SHISA9: variants seen among roughly 807,000 people sequenced by gnomAD.
The protein encoded by SHISA9 is protein shisa-9.
A neutral mutation model predicts 38.0 loss-of-function variants in SHISA9; 13 were observed. That is an observed-to-expected ratio of 0.34 (90% confidence interval 0.22 to 0.54). The LOEUF (loss-of-function observed/expected upper bound fraction) is 0.54. SHISA9 is among the 20% of genes least tolerant of loss of function. The probability of loss-of-function intolerance (pLI) is 0.91; values close to 1 mark genes in which losing one functional copy is unlikely to be tolerated. For missense variants in SHISA9, 538 were observed against 575.8 expected (o/e 0.93, Z 0.67); for synonymous variants, 275 against 242.0 (o/e 1.14, Z -1.27).
the SHISA9 span, among the ~76,000 whole-genome samples, chr16:13,261,494 G>T: frequency 1.3e-5 from 2 of 152,060 alleles, no homozygotes; most frequent in East Asian, 1.9e-4. Context: ...GCAAACTGAG[G>T]TTCTTCCTAA....
At chr16:12,958,568 C>G (rs1478596192) in intron 2 of SHISA9, among the ~76,000 whole-genome samples, 1 of 152,230 alleles carries the variant, frequency 6.6e-6, no homozygotes, top group East Asian at 1.9e-4. Flanking sequence ...GAGTCATGCT[C>G]TGTTGTCAGG....
chr16:13,069,131 A>C (rs1174679733), intron 2 of SHISA9, among the ~76,000 whole-genome samples: 1 of 151,178 alleles, frequency 6.6e-6, no homozygotes, highest in African/African-American at 2.4e-5. Context: ...GTGTATATGC[A>C]CATATGTGTA....
intron 2 of SHISA9, among the ~76,000 whole-genome samples, chr16:13,083,767 C>G (rs2073680315): frequency 6.6e-6 from 1 of 152,126 alleles, no homozygotes; most frequent in African/African-American, 2.4e-5. Flanking sequence ...AAGGTAGCTC[C>G]CATTCAGCTA....
At chr16:13,344,820 C>G in the SHISA9 span, among the ~76,000 whole-genome samples, 1 of 152,284 alleles carries the variant, frequency 6.6e-6, no homozygotes, top group Admixed American at 6.5e-5. Context: ...AGAAGCATGC[C>G]TCCAAATCCT....
chr16:13,449,253 A>C, the SHISA9 span, among the ~76,000 whole-genome samples: 4 of 152,266 alleles, frequency 2.6e-5, no homozygotes, highest in African/African-American at 7.2e-5. Flanking sequence ...AGCAAGAAAT[A>C]GACCAAAATG....
the SHISA9 span, among the ~76,000 whole-genome samples, chr16:13,408,458 T>C: frequency 6.6e-6 from 1 of 152,196 alleles, no homozygotes; most frequent in Non-Finnish European, 1.5e-5. Context: ...TCTGTCTTCA[T>C]ATGACAATAA....
intron 3 of SHISA9, among the ~76,000 whole-genome samples, chr16:13,211,255 G>A (rs1045401475): frequency 6.6e-6 from 1 of 151,508 alleles, no homozygotes; most frequent in South Asian, 2.1e-4. Flanking sequence ...CCAGTGAGTC[G>A]AGATTGTGCC....
the SHISA9 span, among the ~76,000 whole-genome samples, chr16:13,361,818 G>A: frequency 6.6e-6 from 1 of 152,080 alleles, no homozygotes; most frequent in South Asian, 2.1e-4. Context: ...CATACAATAG[G>A]CTTAAAGAAA....
At chr16:13,377,705 T>C in the SHISA9 span, among the ~76,000 whole-genome samples, 1 of 152,180 alleles carries the variant, frequency 6.6e-6, no homozygotes, top group Non-Finnish European at 1.5e-5. Flanking sequence ...CTTGGGAATA[T>C]CCTTTCTCTA....
intron 2 of SHISA9, among the ~76,000 whole-genome samples, chr16:13,029,905 C>T (rs115138947): frequency 3.5e-4 from 54 of 152,292 alleles, no homozygotes; most frequent in African/African-American, 1.0e-3. Flanking sequence ...AGCTCTGCTT[C>T]TTCCTTACCT....
the SHISA9 span, among the ~76,000 whole-genome samples, chr16:13,469,365 AAAAGAAAGAAAGAAAGAAAG>A: frequency 0.024 from 1,575 of 64,306 alleles, 38 homozygotes; most frequent in East Asian, 0.09. Flanking sequence ...AAAGAAAAGA[AAAAGAAAGAAAGAAAGAAAG>A]AAAGAAAGAA....
the SHISA9 span, among the ~76,000 whole-genome samples, chr16:13,317,213 A>C: frequency 1.3e-5 from 2 of 152,248 alleles, no homozygotes; most frequent in African/African-American, 4.8e-5. Flanking sequence ...AGAGTGGGAC[A>C]TGGGCAACGC....
Position 12,979,476 on chromosome 16 carries a change from C to T in SHISA9, c.691+62661C>T, listed in dbSNP as rs146645353. Among the ~76,000 whole-genome samples, 938 of 152,220 alleles carry T rather than the reference C, an allele frequency of 6.2e-3. 11 individuals carry two copies. The highest frequency in any genetic ancestry group is 0.021 in the African/African-American group (886 of 41,536). ...AGCGCCTGTGAGCCCATGCTCCAAA[C>T]GAAAGCTAGAATATTGACAATAATG... is the stretch of plus-strand genomic sequence containing the variant. On this transcript the variant is annotated intron_variant, in intron 2 of 4. Transcript: ENST00000558583.
intron 2 of SHISA9, among the ~76,000 whole-genome samples, chr16:13,190,685 T>A (rs1050659571): frequency 6.6e-6 from 1 of 152,222 alleles, no homozygotes; most frequent in Non-Finnish European, 1.5e-5. Flanking sequence ...TAGACTGTTA[T>A]CTATTTGCAG....
intron 2 of SHISA9, among the ~76,000 whole-genome samples, chr16:13,167,300 G>A (rs780619114): frequency 2.6e-5 from 4 of 151,968 alleles, no homozygotes; most frequent in Non-Finnish European, 2.9e-5. Flanking sequence ...TTGAACTCCC[G>A]ACCTCAGGTG....
chr16:13,172,924 T>A (rs954476564), intron 2 of SHISA9, among the ~76,000 whole-genome samples: 1 of 152,142 alleles, frequency 6.6e-6, no homozygotes, highest in African/African-American at 2.4e-5. Flanking sequence ...AATATCTTAC[T>A]TCCCGATCTG....
At chr16:13,469,365 AAAAG>A in the SHISA9 span, among the ~76,000 whole-genome samples, 1,470 of 64,228 alleles carry the variant, frequency 0.023, 56 homozygotes, top group African/African-American at 0.039. Flanking sequence ...AAAGAAAAGA[AAAAG>A]AAAGAAAGAA....
chr16:13,167,903 C>G (rs550591115), intron 2 of SHISA9, among the ~76,000 whole-genome samples: 1 of 152,126 alleles, frequency 6.6e-6, no homozygotes, highest in Non-Finnish European at 1.5e-5. Flanking sequence ...TGTCTTAATT[C>G]TTGGATTTCC....
chr16:12,963,340 G>A (rs953493928), intron 2 of SHISA9, among the ~76,000 whole-genome samples: 1 of 152,180 alleles, frequency 6.6e-6, no homozygotes, highest in African/African-American at 2.4e-5. Flanking sequence ...AAGAAAAGCT[G>A]GGGGCTGGAG....
Sources: gnomAD v4.1 joint callset for allele counts (sites outside exome capture counted in the v4.1 genomes callset) on GRCh38, gnomAD v4.1.1 for gene constraint, MANE v1.5 for transcripts, NCBI Gene and HGNC (gene_info 2026-07-23, HGNC 2026-07-21) for gene names.